The following EBF1 variants were observed in gnomAD, a reference collection of about 807,000 sequenced individuals.
EBF1 encodes EBF transcription factor 1, also known as transcription factor COE1.
A neutral mutation model predicts 68.4 loss-of-function variants in EBF1; 10 were observed. That is an observed-to-expected ratio of 0.15 (90% CI 0.09 to 0.25). The LOEUF (loss-of-function observed/expected upper bound fraction) is 0.25. Among genes scored for constraint, EBF1 ranks in the 10% least tolerant of loss-of-function variants. EBF1 has a pLI of 1.00. For missense variants in EBF1, 509 were observed against 794.4 expected, an observed-to-expected ratio of 0.64 and a Z score of 4.32; for synonymous variants, 298 against 299.8, an observed-to-expected ratio of 0.99 and a Z score of 0.06.
rs564557714 is a variant in EBF1 at position 159,035,087 on chromosome 5, C to T, written c.554+38309G>A. On this transcript the variant is annotated intron_variant, in intron 6 of 15. Transcript: ENST00000313708. ...TTTTGTGGCCTAATTACATTATTGA[C>T]TGATTGAAGCCATCAGAAACAGGGG... 3.3e-5 allele frequency among the ~76,000 whole-genome samples: 5 copies of T among 151,978 alleles called. No homozygotes were observed. The South Asian group carries it at 1.0e-3, about 32-fold the overall frequency.
intron 6 of EBF1, among the ~76,000 whole-genome samples, chr5:158,928,628 A>G (rs1810200772): frequency 6.6e-6 from 1 of 152,220 alleles, no homozygotes; most frequent in Non-Finnish European, 1.5e-5. Flanking sequence ...TCCATTCTTC[A>G]GTGTGATTTA....
At chr5:158,877,190 G>A (rs1208668668) in intron 6 of EBF1, among the ~76,000 whole-genome samples, 1 of 152,158 alleles carries the variant, frequency 6.6e-6, no homozygotes, top group Non-Finnish European at 1.5e-5. Flanking sequence ...CTGAGAAGAG[G>A]AAATCCAGTA....
intron 7 of EBF1, among the ~76,000 whole-genome samples, chr5:158,839,490 T>C (rs1789680684): frequency 6.6e-6 from 1 of 152,144 alleles, no homozygotes; most frequent in Non-Finnish European, 1.5e-5. Flanking sequence ...TCAAGTGATC[T>C]TCCTACCTTA....
At chr5:159,000,757 T>C (rs546827174) in intron 6 of EBF1, among the ~76,000 whole-genome samples, 1 of 152,254 alleles carries the variant, frequency 6.6e-6, no homozygotes, top group African/African-American at 2.4e-5. Context: ...CATAACTCAA[T>C]GAACATAACT....
At chr5:159,090,786 T>G (rs1781486705) in intron 4 of EBF1, among the ~76,000 whole-genome samples, 1 of 151,230 alleles carries the variant, frequency 6.6e-6, no homozygotes, top group Non-Finnish European at 1.5e-5. Context: ...TAAATACAAT[T>G]GGCTTTGTCA....
At chr5:158,719,780 A>C (rs1228060070) in intron 11 of EBF1, among the ~76,000 whole-genome samples, 1 of 152,194 alleles carries the variant, frequency 6.6e-6, no homozygotes, top group Non-Finnish European at 1.5e-5. Flanking sequence ...TTCATGTTTC[A>C]GCATTAGATT....
At chr5:158,976,126 C>T (rs185521532) in intron 6 of EBF1, among the ~76,000 whole-genome samples, 2 of 152,314 alleles carry the variant, frequency 1.3e-5, no homozygotes, top group East Asian at 3.9e-4. Context: ...TTATGTAACA[C>T]ATGAGTTAGG....
At chr5:158,836,553 G>C (rs10076962) in intron 7 of EBF1, among the ~76,000 whole-genome samples, 22,575 of 152,118 alleles carry the variant, frequency 0.15, 1,770 homozygotes, top group South Asian at 0.17. Flanking sequence ...AAAAATAAAA[G>C]GTTGGGTTAG....
intron 6 of EBF1, among the ~76,000 whole-genome samples, chr5:159,017,410 C>T (rs76787238): frequency 3.5e-4 from 53 of 152,310 alleles, no homozygotes; most frequent in African/African-American, 7.9e-4. Context: ...CCAACAGCAA[C>T]GGAGCAGAGA....
intron 6 of EBF1, among the ~76,000 whole-genome samples, chr5:159,011,538 A>G (rs1052063286): frequency 6.6e-6 from 1 of 152,214 alleles, no homozygotes; most frequent in Non-Finnish European, 1.5e-5. Flanking sequence ...ATTTTCATCA[A>G]CATCGCTGTT....
At chr5:159,034,406 AT>A (rs1332539083) in intron 6 of EBF1, among the ~76,000 whole-genome samples, 1 of 152,122 alleles carries the variant, frequency 6.6e-6, no homozygotes, top group African/African-American at 2.4e-5. Context: ...TCCATGATAT[AT>A]TTTTTGTGTT....
intron 6 of EBF1, among the ~76,000 whole-genome samples, chr5:158,945,171 C>T (rs1814380488): frequency 6.6e-6 from 1 of 152,064 alleles, no homozygotes; most frequent in Non-Finnish European, 1.5e-5. Context: ...AATGGTATTG[C>T]CTAGATTTTC....
At chr5:158,823,356 T>C in intron 7 of EBF1, 39 bp from the exon 8 acceptor site, 2 of 1,577,434 alleles carry the variant, frequency 1.3e-6, no homozygotes, top group Non-Finnish European at 1.7e-6. Flanking sequence ...CATTTTAATA[T>C]AAAAGCGTGG....
intron 10 of EBF1, among the ~76,000 whole-genome samples, chr5:158,749,030 C>A (rs1284870967): frequency 6.6e-6 from 1 of 152,134 alleles, no homozygotes; most frequent in Non-Finnish European, 1.5e-5. Context: ...GCAATCTTGT[C>A]AAGTTGTGGC....
chr5:158,875,148 C>T (rs1797608905), intron 6 of EBF1, among the ~76,000 whole-genome samples: 1 of 151,744 alleles, frequency 6.6e-6, no homozygotes, highest in Non-Finnish European at 1.5e-5. Flanking sequence ...CTCTAGAACA[C>T]CTTTATTTTA....
intron 6 of EBF1, chr5:158,984,838 C>G (rs1328101978): frequency 6.6e-6 from 1 of 151,976 alleles, no homozygotes; most frequent in Non-Finnish European, 1.5e-5. Flanking sequence ...CACGTGCCAC[C>G]ACGCCCGGCT....
intron 6 of EBF1, among the ~76,000 whole-genome samples, chr5:158,862,413 C>A (rs756586846): frequency 1.8e-4 from 27 of 152,110 alleles, no homozygotes; most frequent in Admixed American, 2.0e-4. Context: ...TATTGCATAT[C>A]CATGATCCAA....
intron 9 of EBF1, among the ~76,000 whole-genome samples, 174 bp from the exon 10 acceptor site, chr5:158,777,713 C>A (rs963083208): frequency 4.6e-5 from 7 of 152,206 alleles, no homozygotes; most frequent in Non-Finnish European, 5.9e-5. Context: ...TACAAATGCT[C>A]TGAGTACAGC....
At chr5:158,743,794 T>A (rs905708281) in intron 10 of EBF1, among the ~76,000 whole-genome samples, 2 of 151,872 alleles carry the variant, frequency 1.3e-5, no homozygotes, top group African/African-American at 4.8e-5. Context: ...GGAAAAAAAA[T>A]CATGAGTTCA....
Sources: allele counts gnomAD v4.1 joint callset (sites outside exome capture counted in the v4.1 genomes callset), GRCh38; gene constraint gnomAD v4.1.1; transcripts MANE v1.5; gene names NCBI Gene and HGNC (gene_info 2026-07-23, HGNC 2026-07-21).